SEPTIN10: variants seen among roughly 807,000 people sequenced by gnomAD.
The protein encoded by SEPTIN10 is septin 10.
Under a neutral mutation model 54.8 loss-of-function variants are expected in SEPTIN10, and 66 were observed. That is an observed-to-expected ratio of 1.21 (90% CI 0.99 to 1.48). The LOEUF (loss-of-function observed/expected upper bound fraction) is 1.48. Among genes scored for constraint, SEPTIN10 ranks in the 40% most tolerant of loss-of-function variants. SEPTIN10 has a pLI of 0.00. For missense variants in SEPTIN10, 620 were observed against 545.6 expected (o/e 1.14, Z -1.36); for synonymous variants, 161 against 181.0 (o/e 0.89, Z 0.89).
intron 1 of SEPTIN10, among the ~76,000 whole-genome samples, chr2:109,601,191 A>C (rs1454594192): frequency 6.6e-6 from 1 of 152,176 alleles, no homozygotes; most frequent in Non-Finnish European, 1.5e-5. Context: ...GATGAAACTG[A>C]AAGTCCCAAC....
chr2:109,603,295 C>T (rs1697081410), intron 1 of SEPTIN10, among the ~76,000 whole-genome samples: 1 of 151,682 alleles, frequency 6.6e-6, no homozygotes, highest in African/African-American at 2.4e-5. Flanking sequence ...AGTGCAGTGG[C>T]GCAATCTCGG....
chr2:109,585,868 C>T, intron 2 of SEPTIN10, 30 bp from the exon 3 acceptor site: 2 of 1,558,078 alleles, frequency 1.3e-6, no homozygotes, highest in South Asian at 2.2e-5. Flanking sequence ...AAAACAACAG[C>T]AATAAAAAAA....
chr2:109,612,293 G>A (rs1423359420), intron 1 of SEPTIN10, among the ~76,000 whole-genome samples: 1 of 152,164 alleles, frequency 6.6e-6, no homozygotes, highest in East Asian at 1.9e-4. Context: ...GATTGTCTGG[G>A]GTTAAGAAGG....
intron 6 of SEPTIN10, among the ~76,000 whole-genome samples, chr2:109,566,613 A>C (rs74558908): frequency 6.6e-6 from 1 of 152,180 alleles, no homozygotes; most frequent in Non-Finnish European, 1.5e-5. Context: ...AGTAGTACAC[A>C]AAGTCCCAAA....
intron 9 of SEPTIN10, among the ~76,000 whole-genome samples, chr2:109,548,775 C>CAAAAAAAAAAAAAAAAAAAAA (rs57096452): frequency 1.6e-5 from 1 of 63,542 alleles, no homozygotes; most frequent in Admixed American, 1.5e-4. Context: ...GGCTCCATCT[C>CAAAAAAAAAAAAAAAAAAAAA]AAAAAAAAAA....
chr2:109,563,175 T>A (rs1686112919), intron 8 of SEPTIN10, among the ~76,000 whole-genome samples: 1 of 152,126 alleles, frequency 6.6e-6, no homozygotes. Context: ...CCTCCCAAAG[T>A]GCTGGGATTA....
intron 4 of SEPTIN10, among the ~76,000 whole-genome samples, chr2:109,577,010 G>A (rs2105505057): frequency 6.6e-6 from 1 of 151,986 alleles, no homozygotes; most frequent in East Asian, 1.9e-4. Context: ...GGGTAAATTA[G>A]AAATAATAAA....
intron 2 of SEPTIN10, among the ~76,000 whole-genome samples, chr2:109,588,023 C>T (rs998846257): frequency 2.0e-5 from 3 of 151,920 alleles, no homozygotes; most frequent in East Asian, 1.9e-4. Context: ...ACTCAGAAGG[C>T]GGACATTGCA....
chr2:109,555,400 G>A (rs1446226851), intron 8 of SEPTIN10, among the ~76,000 whole-genome samples: 2 of 152,076 alleles, frequency 1.3e-5, no homozygotes, highest in Non-Finnish European at 2.9e-5. Flanking sequence ...CCCCCATGCT[G>A]TCCTGCTCAT....
At chr2:109,587,204 A>T (rs1303769355) in intron 2 of SEPTIN10, among the ~76,000 whole-genome samples, 1 of 152,210 alleles carries the variant, frequency 6.6e-6, no homozygotes, top group Non-Finnish European at 1.5e-5. Flanking sequence ...GACAAAAAGC[A>T]GCAGACAGAA....
intron 8 of SEPTIN10, among the ~76,000 whole-genome samples, chr2:109,554,061 T>G (rs1478456056): frequency 1.3e-5 from 2 of 152,246 alleles, no homozygotes; most frequent in South Asian, 2.1e-4. Context: ...AAATAAAGAC[T>G]CAAAACCCTT....
chr2:109,544,392 G>T (rs190925047), intron 10 of SEPTIN10, 68 bp from the exon 11 acceptor site: 12 of 1,536,824 alleles, frequency 7.8e-6, no homozygotes, highest in Non-Finnish European at 6.9e-6. Context: ...TAGCAAACAT[G>T]CATCTAGTAT....
intron 4 of SEPTIN10, among the ~76,000 whole-genome samples, chr2:109,575,409 T>C (rs1386365756): frequency 1.3e-5 from 2 of 152,262 alleles, no homozygotes; most frequent in South Asian, 4.1e-4. Flanking sequence ...TAACTAGTAA[T>C]GGTGGCACGT....
Position 109,544,301 on chromosome 2 carries a change from CT to C in SEPTIN10, c.*7del. On this transcript the variant is annotated 3_prime_UTR_variant, in exon 11 of 11. Coordinates refer to ENST00000397712, the MANE Select transcript of SEPTIN10 (RefSeq NM_144710.5). ...GATGATGACCTTCTGTGCTCTGGAACTTCTGTTTTACAAAAAATTGGAGCTG... is the reference window on the plus strand; with the variant it reads ...GATGATGACCTTCTGTGCTCTGGAACTCTGTTTTACAAAAAATTGGAGCTG... 1.9e-6 allele frequency: 3 copies of C among 1,595,264 alleles called. No homozygotes were observed. Among genetic ancestry groups the C allele is most frequent in the Non-Finnish European group, 2.6e-6 (3 of 1,174,984 alleles).
intron 1 of SEPTIN10, among the ~76,000 whole-genome samples, chr2:109,612,695 G>A (rs948085456): frequency 4.6e-5 from 7 of 152,110 alleles, no homozygotes; most frequent in Admixed American, 2.6e-4. Flanking sequence ...TTCCTCACCA[G>A]GACCCCTCAA....
Position 109,588,850 on chromosome 2 carries a change from TAA to T in SEPTIN10, c.100-3014_100-3013del, listed in dbSNP as rs59135205. 3.5e-3 allele frequency among the ~76,000 whole-genome samples: 390 copies of T among 111,398 alleles called. 1 individual carries two copies. The highest frequency in any genetic ancestry group is 0.013 in the East Asian group (51 of 3,926). 73.1% of individuals were successfully genotyped at this position (111,398 alleles called of 152,430 possible). Reference sequence around the variant, plus strand: ...AGTTAAAGCCTAGGTCAATTACTATTAAAAAAAAAAAAAAAAAAGCGAAAGAG... The same window carrying T: ...AGTTAAAGCCTAGGTCAATTACTATTAAAAAAAAAAAAAAAAGCGAAAGAG... On this transcript the variant is annotated intron_variant, in intron 2 of 10. Coordinates refer to ENST00000397712, the MANE Select transcript of SEPTIN10 (RefSeq NM_144710.5).
chr2:109,588,275 C>T (rs950625367), intron 2 of SEPTIN10, among the ~76,000 whole-genome samples: 2 of 151,862 alleles, frequency 1.3e-5, no homozygotes, highest in Non-Finnish European at 2.9e-5. Flanking sequence ...AAAATGACAA[C>T]AGATCTACAA....
At chr2:109,557,170 T>C (rs931967934) in intron 8 of SEPTIN10, among the ~76,000 whole-genome samples, 1 of 151,300 alleles carries the variant, frequency 6.6e-6, no homozygotes, top group East Asian at 1.9e-4. Flanking sequence ...TAAAGTATAA[T>C]AAAAAAAAAT....
At chr2:109,592,665 A>T (rs989458259) in intron 2 of SEPTIN10, among the ~76,000 whole-genome samples, 4 of 150,808 alleles carry the variant, frequency 2.7e-5, no homozygotes, top group Non-Finnish European at 5.9e-5. Flanking sequence ...CTGTGATCCC[A>T]GCTACTCGGG....
Sources: gnomAD v4.1 joint callset for allele counts (sites outside exome capture counted in the v4.1 genomes callset) on GRCh38, gnomAD v4.1.1 for gene constraint, MANE v1.5 for transcripts, NCBI Gene and HGNC (gene_info 2026-07-23, HGNC 2026-07-21) for gene names.